MAGI2: variants seen among roughly 807,000 people sequenced by gnomAD.
The protein encoded by MAGI2 is membrane-associated guanylate kinase, WW and PDZ domain-containing protein 2.
In MAGI2, 35 loss-of-function variants were observed where a neutral mutation model predicts 133.3. That is an observed-to-expected ratio of 0.26 (90% CI 0.20 to 0.35). The LOEUF is 0.35. MAGI2 is among the 10% of genes least tolerant of loss of function. The pLI is 1.00. For synonymous variants in MAGI2, 729 were observed against 710.6 expected (o/e 1.03, Z -0.41); for missense variants, 1,636 against 1,863.4 (o/e 0.88, Z 2.25).
intron 20 of MAGI2, among the ~76,000 whole-genome samples, chr7:78,109,346 A>G (rs1370177253): frequency 7.2e-6 from 1 of 138,124 alleles, no homozygotes; most frequent in African/African-American, 2.6e-5. Flanking sequence ...AAAAAAGAAA[A>G]AAAAAAGAAA....
At chr7:79,327,664 GTCTC>G (rs1172282774) in intron 1 of MAGI2, among the ~76,000 whole-genome samples, 3 of 151,702 alleles carry the variant, frequency 2.0e-5, no homozygotes, top group Admixed American at 6.6e-5. Flanking sequence ...TATGGGTAAT[GTCTC>G]TCTCTCTATT....
intron 6 of MAGI2, among the ~76,000 whole-genome samples, chr7:78,380,546 A>G (rs1223182674): frequency 6.6e-6 from 1 of 152,134 alleles, no homozygotes; most frequent in Non-Finnish European, 1.5e-5. Flanking sequence ...TAAAACTTGA[A>G]ACAACCGAAC....
intron 2 of MAGI2, among the ~76,000 whole-genome samples, chr7:78,898,439 G>A (rs144368731): frequency 1.3e-5 from 2 of 152,232 alleles, no homozygotes; most frequent in East Asian, 1.9e-4. Flanking sequence ...TAAAGAAAAT[G>A]TCCTACATAT....
At chr7:78,804,905 T>G (rs144703287) in intron 2 of MAGI2, among the ~76,000 whole-genome samples, 2,416 of 150,652 alleles carry the variant, frequency 0.016, 62 homozygotes, top group Admixed American at 0.053. Context: ...CCGTCTCTAC[T>G]AAAAATACAA....
chr7:79,324,238 T>C (rs1439502074), intron 1 of MAGI2, among the ~76,000 whole-genome samples: 1 of 151,832 alleles, frequency 6.6e-6, no homozygotes, highest in Non-Finnish European at 1.5e-5. Context: ...TCTGTTTTGT[T>C]CCAATTTTAG....
At chr7:79,300,715 G>A (rs1444522685) in intron 1 of MAGI2, among the ~76,000 whole-genome samples, 2 of 152,164 alleles carry the variant, frequency 1.3e-5, no homozygotes, top group Non-Finnish European at 2.9e-5. Flanking sequence ...AATTCAAAAG[G>A]AGCCAAGTGT....
At chr7:78,798,133 C>T (rs894509317) in intron 2 of MAGI2, among the ~76,000 whole-genome samples, 1 of 152,038 alleles carries the variant, frequency 6.6e-6, no homozygotes. Flanking sequence ...CATTCTTTAC[C>T]TTTGAGAATT....
At chr7:78,397,714 C>T (rs1227220993) in intron 6 of MAGI2, among the ~76,000 whole-genome samples, 2 of 152,050 alleles carry the variant, frequency 1.3e-5, no homozygotes, top group Non-Finnish European at 2.9e-5. Context: ...ATATAAAAAT[C>T]AAGAAGATGG....
chr7:78,887,446 A>T (rs1244791365), intron 2 of MAGI2, among the ~76,000 whole-genome samples: 2 of 152,254 alleles, frequency 1.3e-5, no homozygotes, highest in African/African-American at 4.8e-5. Context: ...GCGTTTTAAC[A>T]AGTCCTCCTG....
intron 15 of MAGI2, among the ~76,000 whole-genome samples, chr7:78,163,112 A>G (rs1825248555): frequency 6.6e-6 from 1 of 152,136 alleles, no homozygotes; most frequent in African/African-American, 2.4e-5. Flanking sequence ...TATCTACTAA[A>G]GTCAAATAAT....
rs75846459 is a variant in MAGI2 at position 79,013,585 on chromosome 7, A to T, written c.302-6379T>A. ...CAAAAATGAGAAATAAATCACAAGAAAGTTGATTGATTCTGCTAAGAGCCA... is the reference window on the plus strand; with the variant it reads ...CAAAAATGAGAAATAAATCACAAGATAGTTGATTGATTCTGCTAAGAGCCA... On this transcript the variant is annotated intron_variant, in intron 1 of 21. Coordinates refer to ENST00000354212, the MANE Select transcript of MAGI2 (RefSeq NM_012301.4). Among the ~76,000 whole-genome samples, 620 of 152,278 alleles carry T rather than the reference A, an allele frequency of 4.1e-3. 3 individuals are homozygous for T. Among genetic ancestry groups the T allele is most frequent in the African/African-American group, 0.014 (582 of 41,552 alleles).
At chr7:78,984,400 T>C (rs1196187903) in intron 2 of MAGI2, among the ~76,000 whole-genome samples, 1 of 151,978 alleles carries the variant, frequency 6.6e-6, no homozygotes, top group African/African-American at 2.4e-5. Flanking sequence ...CCACAGCCTA[T>C]GTGTCCCTAC....
At chr7:78,066,237 G>A (rs562066156) in intron 21 of MAGI2, among the ~76,000 whole-genome samples, 13 of 152,134 alleles carry the variant, frequency 8.5e-5, no homozygotes, top group East Asian at 1.9e-4. Flanking sequence ...CGAGGTGGGC[G>A]GAACATTTGA....
intron 1 of MAGI2, among the ~76,000 whole-genome samples, chr7:79,113,405 C>T (rs1270513526): frequency 3.9e-5 from 6 of 152,030 alleles, no homozygotes; most frequent in South Asian, 2.1e-4. Flanking sequence ...TTGGTTATAC[C>T]GTCTGATTAC....
At chr7:78,786,924 G>T (rs2774055) in intron 2 of MAGI2, among the ~76,000 whole-genome samples, 48,067 of 151,714 alleles carry the variant, frequency 0.32, 7,750 homozygotes, top group South Asian at 0.42. Flanking sequence ...AATAAGTATT[G>T]GTTGAAATGA....
At chr7:78,149,924 A>T (rs1466794970) in intron 16 of MAGI2, among the ~76,000 whole-genome samples, 3 of 152,160 alleles carry the variant, frequency 2.0e-5, no homozygotes, top group African/African-American at 7.2e-5. Flanking sequence ...GGCACACTCC[A>T]CTATTTAGTT....
At chr7:78,465,460 T>G (rs943643313) in intron 6 of MAGI2, among the ~76,000 whole-genome samples, 1 of 152,182 alleles carries the variant, frequency 6.6e-6, no homozygotes, top group African/African-American at 2.4e-5. Context: ...TTATGAGAAA[T>G]CCTTAGGCTA....
At chr7:79,360,150 A>G (rs1180922665) in intron 1 of MAGI2, among the ~76,000 whole-genome samples, 1 of 152,198 alleles carries the variant, frequency 6.6e-6, no homozygotes, top group Admixed American at 6.5e-5. Context: ...CTTTTCAGCA[A>G]TCAAGAATCA....
rs948833528 is a variant in MAGI2 at position 78,514,827 on chromosome 7, T to C, written c.754+6603A>G. Among the ~76,000 whole-genome samples the C allele has an allele frequency of 5.3e-5, 8 of 152,290 alleles. No individual in the cohort carries two copies. The South Asian group carries it at 1.0e-3, about 20-fold the overall frequency. ...GTCCCTAATGGTGAACTGAGATCAT[T>C]GCCGAGGACACTTGGTGATCACATA... On this transcript the variant is annotated intron_variant, in intron 4 of 21. Coordinates refer to ENST00000354212, the MANE Select transcript of MAGI2 (RefSeq NM_012301.4).
Sources: gnomAD v4.1 joint callset for allele counts (sites outside exome capture counted in the v4.1 genomes callset) on GRCh38, gnomAD v4.1.1 for gene constraint, MANE v1.5 for transcripts, NCBI Gene and HGNC (gene_info 2026-07-23, HGNC 2026-07-21) for gene names.